The following IFT140 variants were observed in gnomAD, a reference collection of about 807,000 sequenced individuals.
The protein encoded by IFT140 is intraflagellar transport 140.
A neutral mutation model predicts 164.6 loss-of-function variants in IFT140; 133 were observed. The ratio of observed to expected loss-of-function variants is 0.81; its 90% CI spans 0.70 to 0.93. IFT140 has a LOEUF of 0.93. Among genes scored for constraint, IFT140 ranks in the 40% least tolerant of loss-of-function variants. IFT140 has a pLI of 0.00. For synonymous variants in IFT140, 860 were observed against 817.3 expected, an observed-to-expected ratio of 1.05 and a Z score of -0.89; for missense variants, 2,045 against 1,972.3, an observed-to-expected ratio of 1.04 and a Z score of -0.70.
chr16:1,530,709 G>C (rs1011294971), intron 19 of IFT140: 1 of 151,376 alleles, frequency 6.6e-6, no homozygotes. Flanking sequence ...TGGGGAGCGG[G>C]AGAGAGCCCG....
At chr16:1,577,128 TG>T (rs892726334) in intron 13 of IFT140, 3 of 152,204 alleles carry the variant, frequency 2.0e-5, no homozygotes, top group Non-Finnish European at 2.9e-5. Flanking sequence ...CTAGTGATGC[TG>T]GAAGTGCTCC....
chr16:1,591,600 G>A (rs917189147), intron 6 of IFT140, among the ~76,000 whole-genome samples: 5 of 152,162 alleles, frequency 3.3e-5, no homozygotes, highest in Non-Finnish European at 5.9e-5. Context: ...TAAGAGATGC[G>A]CTTTTTCTTT....
chr16:1,560,788 G>A (rs1357415950), intron 18 of IFT140, among the ~76,000 whole-genome samples: 1 of 152,180 alleles, frequency 6.6e-6, no homozygotes, highest in African/African-American at 2.4e-5. Flanking sequence ...TCTTAACATC[G>A]ATAAGCCACT....
chr16:1,606,141 C>T (rs1490886413), intron 3 of IFT140, among the ~76,000 whole-genome samples: 1 of 152,324 alleles, frequency 6.6e-6, no homozygotes, highest in African/African-American at 2.4e-5. Context: ...TTGGAGTTCT[C>T]GCCTCCAGAG....
chr16:1,598,241 G>A (rs962484655), intron 4 of IFT140, among the ~76,000 whole-genome samples: 7 of 152,176 alleles, frequency 4.6e-5, no homozygotes, highest in South Asian at 2.1e-4. Context: ...GGCAGATCAC[G>A]AGGTCAGGAG....
intron 15 of IFT140, among the ~76,000 whole-genome samples, chr16:1,567,714 G>A (rs969044387): frequency 7.2e-5 from 11 of 152,182 alleles, no homozygotes; most frequent in African/African-American, 2.2e-4. Flanking sequence ...AGGAACCAGG[G>A]AAGGAACCAA....
intron 14 of IFT140, among the ~76,000 whole-genome samples, chr16:1,569,757 A>ATTT (rs57236076): frequency 8.8e-4 from 129 of 146,166 alleles, no homozygotes; most frequent in East Asian, 4.4e-3. Context: ...TGCCTGGCTA[A>ATTT]TTTTTTTTTT....
At position 1,602,528 on chromosome 16, in the gene IFT140, G is replaced by C; in HGVS notation, c.211C>G (p.Pro71Ala). 6.2e-7 allele frequency: 1 copy of C among 1,614,102 alleles called. No homozygotes were observed. The highest frequency in any genetic ancestry group is 1.7e-4 in the Middle Eastern group (1 of 6,036). Reference protein sequence around the residue: ...PFRVASLCWHPTRLVLAVGWE... With the variant: ...PFRVASLCWHATRLVLAVGWE... ...CCCACAGCCAGCACCAGCCGCGTCGGGTGCCAGCACAGGGAAGCAACCCGG... is the reference window on the plus strand; with the variant it reads ...CCCACAGCCAGCACCAGCCGCGTCGCGTGCCAGCACAGGGAAGCAACCCGG... Residue 71 changes from proline (P) to alanine (A), a missense_variant, in exon 4 of 31, where the codon CCG becomes GCG. Physicochemically the swap from Pro to Ala is conservative, Grantham distance 27. Transcript: ENST00000426508.
chr16:1,609,623 C>T (rs2036242427), intron 2 of IFT140, among the ~76,000 whole-genome samples: 1 of 152,230 alleles, frequency 6.6e-6, no homozygotes, highest in African/African-American at 2.4e-5. Flanking sequence ...GAGATTCTTC[C>T]TGTTGTATCA....
intron 30 of IFT140, chr16:1,514,521 T>G (rs1693947249): frequency 6.6e-6 from 1 of 152,090 alleles, no homozygotes; most frequent in Non-Finnish European, 1.5e-5. Context: ...ACACTACACA[T>G]GAGGCAGGGG....
chr16:1,535,415 T>C (rs2030965616), intron 19 of IFT140, among the ~76,000 whole-genome samples: 1 of 152,164 alleles, frequency 6.6e-6, no homozygotes, highest in Non-Finnish European at 1.5e-5. Context: ...AGGCCGACTC[T>C]CTGAAACTGT....
Position 1,519,898 on chromosome 16 carries a change from C to T in IFT140, c.4023G>A (p.Arg1341=). 6.4e-7 allele frequency: 1 copy of T among 1,561,456 alleles called. No homozygotes were observed. Among genetic ancestry groups the T allele is most frequent in the Non-Finnish European group, 8.6e-7 (1 of 1,156,558 alleles). The change falls in exon 29 of 31, where the codon AGG becomes AGA. Residue 1341 remains arginine, a synonymous_variant. Transcript: ENST00000426508. The part of the protein sequence containing the change: ...QLQSRMALVK[R]FIQARRTYTE... ...GGGCACACCTGCGGGCCTGGATGAA[C>T]CTCTTCACCAGTGCCATCCTGCTCT...
rs765976014 is a variant in IFT140 at position 1,564,171 on chromosome 16, C to CA, written c.1902-10dup. 1.9e-6 allele frequency: 3 copies of CA among 1,559,112 alleles called. No individual in the cohort carries two copies. The highest frequency in any genetic ancestry group is 2.6e-6 in the Non-Finnish European group (3 of 1,143,048). On this transcript the variant is annotated splice_polypyrimidine_tract_variant and intron_variant, in intron 16 of 30. Coordinates refer to ENST00000426508, the MANE Select transcript of IFT140 (RefSeq NM_014714.4). The surrounding 1 kb of genome is among the most constrained non-coding windows in gnomAD (Gnocchi z 5.5). ...CCACAAAGAGGTGGCTCCTAAAAGACAAAGGAAGACCCGTTTCAACCCCAG... is the reference window on the plus strand; with the variant it reads ...CCACAAAGAGGTGGCTCCTAAAAGACAAAAGGAAGACCCGTTTCAACCCCAG...
At chr16:1,549,314 C>T (rs963305433) in intron 19 of IFT140, among the ~76,000 whole-genome samples, 1 of 152,290 alleles carries the variant, frequency 6.6e-6, no homozygotes, top group African/African-American at 2.4e-5. Flanking sequence ...ATTTTCCCAT[C>T]TGCTTCTGTG....
intron 2 of IFT140, 37 bp downstream of exon 2, chr16:1,610,627 G>A (rs543526997): frequency 7.9e-5 from 12 of 152,442 alleles, no homozygotes; most frequent in African/African-American, 2.6e-4. Flanking sequence ...GGCTCCTAAG[G>A]ACCTGGGTCG....
intron 13 of IFT140, among the ~76,000 whole-genome samples, chr16:1,574,579 C>T (rs1020238021): frequency 5.3e-5 from 8 of 152,214 alleles, no homozygotes; most frequent in Non-Finnish European, 8.8e-5. Context: ...CCATGCCCAG[C>T]CAAGTAGACT....
At position 1,523,914 on chromosome 16, in the gene IFT140, T is replaced by C; in HGVS notation, c.3184A>G (p.Ser1062Gly). 1 of 1,613,204 alleles carries C rather than the reference T, an allele frequency of 6.2e-7. No homozygotes were observed. Among genetic ancestry groups the C allele is most frequent in the South Asian group, 1.1e-5 (1 of 91,062 alleles). ...GCCTCGATCATGTCCTCGGGGGAGC[T>C]CAGCAGGGCCAAGTTCATGAGCTGG... The part of the protein sequence containing the change: ...DDQLMNLALL[S>G]SPEDMIEAAR... Residue 1062 changes from serine to glycine, a missense_variant, in exon 25 of 31, where the codon AGC becomes GGC. By Grantham distance (56) the Ser-to-Gly change is moderately conservative. Transcript: ENST00000426508.
chr16:1,571,466 C>G lies in IFT140; in HGVS notation c.1593G>C (p.Gly531=). 1 of 1,614,106 alleles carries G rather than the reference C, an allele frequency of 6.2e-7. No homozygotes were observed. The highest frequency in any genetic ancestry group is 8.5e-7 in the Non-Finnish European group (1 of 1,179,984). ...AGTCTGTCCCTACAACCAGGAAATT[C>G]CCACAGATGTCCAAGAAGCAGGGAT... ...EGNPCFLDIC[G]NFLVVGTDLA... The change falls in exon 14 of 31, where the codon GGG becomes GGC. Residue 531 remains glycine, a synonymous_variant. Transcript: ENST00000426508.
intron 13 of IFT140, among the ~76,000 whole-genome samples, chr16:1,572,405 G>A (rs2034067970): frequency 6.6e-6 from 1 of 152,218 alleles, no homozygotes; most frequent in Non-Finnish European, 1.5e-5. Flanking sequence ...CCAGCACTTT[G>A]GGAGGCCAAG....
Sources: allele counts gnomAD v4.1 joint callset (sites outside exome capture counted in the v4.1 genomes callset), GRCh38; gene constraint gnomAD v4.1.1; non-coding constraint Gnocchi (gnomAD v3.1); transcripts MANE v1.5; gene names NCBI Gene and HGNC (gene_info 2026-07-23, HGNC 2026-07-21).